The following RBM44 variants were observed in gnomAD, a reference collection of about 807,000 sequenced individuals.
The protein encoded by RBM44 is RNA-binding protein 44.
A neutral mutation model predicts 105.1 loss-of-function variants in RBM44; 66 were observed. That is an observed-to-expected ratio of 0.63 (90% CI 0.52 to 0.77). RBM44 has a LOEUF of 0.77. Ranked by LOEUF, RBM44 falls within the 30% of genes least tolerant of loss-of-function variation. RBM44 has a pLI of 0.00. For missense variants in RBM44, 1,122 were observed against 1,207.8 expected (o/e 0.93, Z 1.05); for synonymous variants, 365 against 417.6 (o/e 0.87, Z 1.54).
chr2:237,808,658 A>G (rs1418916918), intron 1 of RBM44, among the ~76,000 whole-genome samples: 1 of 152,170 alleles, frequency 6.6e-6, no homozygotes, highest in Non-Finnish European at 1.5e-5. Context: ...ATACAGAAGC[A>G]AGGTAGGAGA....
At chr2:237,832,140 A>G (rs572560714) in intron 13 of RBM44, among the ~76,000 whole-genome samples, 7 of 147,934 alleles carry the variant, frequency 4.7e-5, no homozygotes, top group East Asian at 2.0e-4. Flanking sequence ...CATTTGCTTC[A>G]TGTTCTAATT....
intron 1 of RBM44, among the ~76,000 whole-genome samples, chr2:237,807,237 C>T (rs2061608622): frequency 6.6e-6 from 1 of 152,160 alleles, no homozygotes; most frequent in Non-Finnish European, 1.5e-5. Flanking sequence ...CAACCTCTAC[C>T]TCCCAGGTTC....
At chr2:237,799,027 G>C (rs1333720296) in intron 1 of RBM44, among the ~76,000 whole-genome samples, 166 bp downstream of exon 1, 1 of 151,922 alleles carries the variant, frequency 6.6e-6, no homozygotes, top group African/African-American at 2.4e-5. Context: ...GTGTAGGCGA[G>C]GCCAGCGAGG....
chr2:237,838,119 A>G (rs1369999411), intron 15 of RBM44, among the ~76,000 whole-genome samples: 1 of 152,174 alleles, frequency 6.6e-6, no homozygotes, highest in African/African-American at 2.4e-5. Flanking sequence ...AGCCTTCAGC[A>G]TGACATGAGT....
At position 237,803,376 on chromosome 2, in the gene RBM44, C is replaced by G. The variant is rs1276930346; in HGVS notation, c.-19+4515C>G. On this transcript the variant is annotated intron_variant, in intron 1 of 15. Transcript: ENST00000316997. This position sits in a 1 kb window ranked among gnomAD's most constrained non-coding sequence, Gnocchi z 4.2. ...TCTCTCTCACTCACACACACACACA[C>G]AAATTTTAAGCCATTCTAATGAATG... 6.6e-6 allele frequency among the ~76,000 whole-genome samples: 1 copy of G among 151,990 alleles called. No individual in the cohort carries two copies. The highest frequency in any genetic ancestry group is 1.5e-5 in the Non-Finnish European group (1 of 67,984).
At position 237,817,285 on chromosome 2, in the gene RBM44, G is replaced by A; in HGVS notation, c.366G>A (p.Lys122=). 6.2e-7 allele frequency: 1 copy of A among 1,607,250 alleles called. No individual in the cohort carries two copies. The highest frequency in any genetic ancestry group is 8.5e-7 in the Non-Finnish European group (1 of 1,176,646). ...YSIPYSESKL[K]KESLTPLSSE... is the part of the protein sequence containing the mutation. ...TACCTTATTCAGAGTCAAAACTAAA[G>A]AAGGAAAGTCTTACTCCTTTAAGTT... The change falls in exon 3 of 16, where the codon AAG becomes AAA. Residue 122 remains lysine (K), a synonymous_variant. Transcript: ENST00000316997.
At chr2:237,811,294 A>G (rs2061655644) in intron 1 of RBM44, among the ~76,000 whole-genome samples, 1 of 151,602 alleles carries the variant, frequency 6.6e-6, no homozygotes, top group Admixed American at 6.6e-5. Flanking sequence ...TCCCCTTAAT[A>G]CTAGGTTTCC....
At chr2:237,802,540 C>T (rs2061555572) in intron 1 of RBM44, among the ~76,000 whole-genome samples, 1 of 152,144 alleles carries the variant, frequency 6.6e-6, no homozygotes. Flanking sequence ...TGTTTCTGGG[C>T]CCCAAATTAG....
At position 237,842,087 on chromosome 2, in the gene RBM44, A is replaced by G. The variant is rs998144712; in HGVS notation, c.*271A>G. ...TAAATTTTTTTATTTCAATTTTGTT[A>G]CTTAGAACATTAAGATGCATATTTG... On this transcript the variant is annotated 3_prime_UTR_variant, in exon 16 of 16. Transcript: ENST00000316997. 6.6e-6 allele frequency: 1 copy of G among 152,070 alleles called. No individual in the cohort carries two copies. Among genetic ancestry groups the G allele is most frequent in the African/African-American group, 2.4e-5 (1 of 41,440 alleles). The allele number at this position is 152,070 out of a possible 1,614,324, so 9.4% of individuals were successfully genotyped here. A position where few individuals can be genotyped will look rare whatever the true frequency, so the allele number is the denominator to read the frequency against.
rs1423425121 is a variant in RBM44, at chr2:237,803,021, C to T, written c.-19+4160C>T. On this transcript the variant is annotated intron_variant, in intron 1 of 15. Coordinates refer to ENST00000316997, the MANE Select transcript of RBM44 (RefSeq NM_001080504.3). The surrounding 1 kb of genome is among the most constrained non-coding windows in gnomAD (Gnocchi z 4.2). Reference sequence around the variant, plus strand: ...CTGGCTCATGCCTGTAATCCCAGCACTTTGGGAGGCCGAGGCGGGTGGATC... The same window carrying T: ...CTGGCTCATGCCTGTAATCCCAGCATTTTGGGAGGCCGAGGCGGGTGGATC... Among the ~76,000 whole-genome samples the T allele has an allele frequency of 6.6e-6, 1 of 152,188 alleles. No homozygotes were observed. The highest frequency in any genetic ancestry group is 1.5e-5 in the Non-Finnish European group (1 of 68,032).
intron 15 of RBM44, among the ~76,000 whole-genome samples, chr2:237,835,467 G>A (rs759368952): frequency 1.3e-5 from 2 of 152,220 alleles, no homozygotes; most frequent in Non-Finnish European, 2.9e-5. Context: ...AGTTAGCCAC[G>A]TGGTTCATTG....
chr2:237,841,886 A>G lies in RBM44; in HGVS notation c.*70A>G, dbSNP rs943898537. 6 of 152,176 alleles carry G rather than the reference A, an allele frequency of 3.9e-5. No homozygotes were observed. Among genetic ancestry groups the G allele is most frequent in the Admixed American group, 6.5e-5 (1 of 15,280 alleles). The allele number at this position is 152,176 out of a possible 1,614,324, so 9.4% of individuals were successfully genotyped here. On this transcript the variant is annotated 3_prime_UTR_variant, in exon 16 of 16. Transcript: ENST00000316997. The surrounding 1 kb of genome is among the most constrained non-coding windows in gnomAD (Gnocchi z 4.5). ...CCTCCTTCAGAGAATGTTCTACAGC[A>G]CTTAGGAAAAAGTAGTAATAACAAG...
intron 13 of RBM44, among the ~76,000 whole-genome samples, chr2:237,832,052 T>C (rs978612053): frequency 3.9e-5 from 6 of 152,190 alleles, no homozygotes; most frequent in African/African-American, 4.8e-5. Context: ...TCATGACTGC[T>C]TTCTTCCCCC....
At chr2:237,811,973 G>A (rs932097594) in intron 1 of RBM44, among the ~76,000 whole-genome samples, 1 of 152,108 alleles carries the variant, frequency 6.6e-6, no homozygotes, top group African/African-American at 2.4e-5. Context: ...TCGTGCCTCA[G>A]CCTCCCAAGT....
intron 1 of RBM44, among the ~76,000 whole-genome samples, chr2:237,811,843 C>T (rs1452403333): frequency 6.6e-6 from 1 of 152,076 alleles, no homozygotes; most frequent in Non-Finnish European, 1.5e-5. Context: ...CTTCTCTTAA[C>T]GAGATTTGTC....
chr2:237,799,596 G>A (rs369647250), intron 1 of RBM44, among the ~76,000 whole-genome samples: 1 of 152,142 alleles, frequency 6.6e-6, no homozygotes, highest in Non-Finnish European at 1.5e-5. Context: ...GTGAGCCACC[G>A]CGCCCGGCCA....
At position 237,818,290 on chromosome 2, in the gene RBM44, A is replaced by G; in HGVS notation, c.1371A>G (p.Ala457=). The change falls in exon 3 of 16, where the codon GCA becomes GCG. Residue 457 remains alanine (A), a synonymous_variant. Coordinates refer to ENST00000316997, the MANE Select transcript of RBM44 (RefSeq NM_001080504.3). This position sits in a 1 kb window ranked among gnomAD's most constrained non-coding sequence, Gnocchi z 4.6. ...GEMCTKSLTD[A]ASCTVTINQT... ...TGTGTACTAAATCATTGACAGATGC[A>G]GCAAGTTGTACAGTCACAATTAATC... 1.9e-6 allele frequency: 3 copies of G among 1,613,444 alleles called. No homozygotes were observed. Among genetic ancestry groups the G allele is most frequent in the Non-Finnish European group, 2.5e-6 (3 of 1,179,582 alleles).
chr2:237,806,874 G>A (rs549944207), intron 1 of RBM44, among the ~76,000 whole-genome samples: 1 of 152,250 alleles, frequency 6.6e-6, no homozygotes, highest in South Asian at 2.1e-4. Flanking sequence ...TGGGTGGGGT[G>A]GGGGGTGCGG....
At chr2:237,819,250 A>G (rs1053510969) in intron 4 of RBM44, among the ~76,000 whole-genome samples, 3 of 152,050 alleles carry the variant, frequency 2.0e-5, no homozygotes, top group African/African-American at 7.2e-5. Context: ...CACTTTATTC[A>G]CCTGTAGGCC....
Sources: allele counts gnomAD v4.1 joint callset (sites outside exome capture counted in the v4.1 genomes callset), GRCh38; gene constraint gnomAD v4.1.1; non-coding constraint Gnocchi (gnomAD v3.1); transcripts MANE v1.5; gene names NCBI Gene and HGNC (gene_info 2026-07-23, HGNC 2026-07-21).